Variants in ATP11B observed in about 807,000 individuals in gnomAD.
ATP11B encodes the protein phospholipid-transporting ATPase IF.
A neutral mutation model predicts 157.8 loss-of-function variants in ATP11B; 81 were observed. The observed-to-expected ratio is 0.51, with a 90% CI of 0.43 to 0.62. The LOEUF is 0.62. ATP11B is among the 20% of genes least tolerant of loss of function. ATP11B has a pLI of 0.00. For synonymous variants in ATP11B, 451 were observed against 469.4 expected, an observed-to-expected ratio of 0.96 and a Z score of 0.51; for missense variants, 1,165 against 1,402.2, an observed-to-expected ratio of 0.83 and a Z score of 2.70.
At chr3:182,797,575 A>G (rs1453487691) in intron 1 of ATP11B, among the ~76,000 whole-genome samples, 1 of 152,022 alleles carries the variant, frequency 6.6e-6, no homozygotes. Context: ...TGGCGTGGTG[A>G]TGGGCACCTG....
In ATP11B at chr3:182,793,701, T is replaced by G; in HGVS notation, c.-59T>G. On this transcript the variant is annotated 5_prime_UTR_variant, in exon 1 of 30. Transcript: ENST00000323116. The stretch of plus-strand genomic sequence containing the variant: ...CGCTCCCGCCTCTGTCTTGTCGGCC[T>G]CCACCTGCAGCCCCGCGGCCCCCGC... 1 of 1,274,438 alleles carries G rather than the reference T, an allele frequency of 7.8e-7. No individual in the cohort carries two copies. Among genetic ancestry groups the G allele is most frequent in the Non-Finnish European group, 1.0e-6 (1 of 956,622 alleles). The allele number at this position is 1,274,438 out of a possible 1,614,324, so 78.9% of individuals were successfully genotyped here. A position where few individuals can be genotyped will look rare whatever the true frequency, so the allele number is the denominator to read the frequency against.
intron 7 of ATP11B, among the ~76,000 whole-genome samples, chr3:182,840,249 G>T (rs540934500): frequency 2.0e-5 from 3 of 152,124 alleles, no homozygotes; most frequent in East Asian, 3.9e-4. Flanking sequence ...CCCCTCTCTT[G>T]GTTTACCTCC....
chr3:182,897,047 C>CA (rs1723598369), intron 26 of ATP11B, among the ~76,000 whole-genome samples: 1 of 151,994 alleles, frequency 6.6e-6, no homozygotes, highest in African/African-American at 2.4e-5. Context: ...TGTTTTAGGC[C>CA]ATGGAGTTGA....
intron 21 of ATP11B, among the ~76,000 whole-genome samples, chr3:182,881,413 A>G (rs595088): frequency 0.86 from 90,571 of 105,092 alleles, 40,367 homozygotes; most frequent in African/African-American, 0.92. Flanking sequence ...GCTTGAACCC[A>G]GGAGGCAGAG....
chr3:182,896,191 G>A lies in ATP11B; in HGVS notation c.2983-509G>A, dbSNP rs73177352. Among the ~76,000 whole-genome samples, 1,439 of 152,268 alleles carry A rather than the reference G, an allele frequency of 9.5e-3. 13 individuals are homozygous for A. The highest frequency in any genetic ancestry group is 0.015 in the Non-Finnish European group (1,054 of 68,024). ...CTGGCAATAACTGCATTTTTACATG[G>A]AATCCTTTGAGGAGTAATTCCATGA... On this transcript the variant is annotated intron_variant, in intron 25 of 29. Coordinates refer to ENST00000323116, the MANE Select transcript of ATP11B (RefSeq NM_014616.3).
At chr3:182,906,683 T>G (rs1238292393) in intron 28 of ATP11B, among the ~76,000 whole-genome samples, 2 of 151,850 alleles carry the variant, frequency 1.3e-5, no homozygotes, top group Admixed American at 1.3e-4. Flanking sequence ...ACTCCTGGGC[T>G]CAAGCGATCT....
intron 8 of ATP11B, chr3:182,844,682 G>T (rs748330577): frequency 9.5e-5 from 30 of 315,194 alleles, no homozygotes; most frequent in Non-Finnish European, 4.1e-5. Flanking sequence ...GTATAATTGT[G>T]CAGAATTCAT....
chr3:182,818,924 A>G (rs536617875), intron 1 of ATP11B, among the ~76,000 whole-genome samples: 9 of 151,096 alleles, frequency 6.0e-5, no homozygotes, highest in Admixed American at 1.3e-4. Context: ...TGTAAAAAAA[A>G]AAAAAAAGAA....
chr3:182,898,751 T>C lies in ATP11B; in HGVS notation c.3297T>C (p.Pro1099=). The C allele has an allele frequency of 6.4e-7, 1 of 1,559,284 alleles. No individual in the cohort carries two copies. Among genetic ancestry groups the C allele is most frequent in the Non-Finnish European group, 8.7e-7 (1 of 1,154,692 alleles). ...AGGTCTTTGACCGACACCTCCACCC[T>C]ACAAGTACTGAAAAGGCACAGGTAA... ...IKKVFDRHLH[P]TSTEKAQLTE... is the part of the protein sequence containing the mutation. Residue 1099 remains proline (P), a synonymous_variant, in exon 28 of 30, where the codon CCT becomes CCC. Coordinates refer to ENST00000323116, the MANE Select transcript of ATP11B (RefSeq NM_014616.3).
intron 7 of ATP11B, among the ~76,000 whole-genome samples, chr3:182,837,993 A>T (rs1170590897): frequency 6.6e-6 from 1 of 152,052 alleles, no homozygotes; most frequent in Non-Finnish European, 1.5e-5. Context: ...AATTACAGCA[A>T]ATTTGTAGAA....
At chr3:182,900,846 G>T (rs1723906480) in intron 28 of ATP11B, among the ~76,000 whole-genome samples, 2 of 151,838 alleles carry the variant, frequency 1.3e-5, no homozygotes, top group Non-Finnish European at 2.9e-5. Flanking sequence ...AGGAATTGGA[G>T]ACCAGCCTGG....
At position 182,911,879 on chromosome 3, in the gene ATP11B, C is replaced by T. The variant is rs569818978; in HGVS notation, c.3319-1982C>T. 5.3e-5 allele frequency among the ~76,000 whole-genome samples: 8 copies of T among 152,186 alleles called. No homozygotes were observed. The South Asian group carries it at 6.2e-4, about 12-fold the overall frequency. On this transcript the variant is annotated intron_variant, in intron 28 of 29. Transcript: ENST00000323116. ...GAGAGGTGAGGGAAGTTAATGGAGA[C>T]GGTAGGATTTAAGCTGAACGCTGAT...
intron 28 of ATP11B, among the ~76,000 whole-genome samples, chr3:182,900,575 T>A (rs1723884651): frequency 6.6e-6 from 1 of 152,002 alleles, no homozygotes; most frequent in Non-Finnish European, 1.5e-5. Context: ...TCAGAAAGTT[T>A]GCCTATCTTA....
intron 28 of ATP11B, among the ~76,000 whole-genome samples, chr3:182,899,150 ATTTT>A (rs34492261): frequency 7.8e-6 from 1 of 128,320 alleles, no homozygotes; most frequent in Non-Finnish European, 1.6e-5. Flanking sequence ...AATTTGAGTA[ATTTT>A]TTTTTTTTTT....
intron 1 of ATP11B, among the ~76,000 whole-genome samples, chr3:182,809,398 T>G (rs1576953549): frequency 6.6e-6 from 1 of 152,034 alleles, no homozygotes; most frequent in Non-Finnish European, 1.5e-5. Context: ...ACAGGCATGC[T>G]CCACCACGCC....
At chr3:182,827,523 A>T (rs6780927) in intron 2 of ATP11B, among the ~76,000 whole-genome samples, 122 of 151,932 alleles carry the variant, frequency 8.0e-4, no homozygotes, top group African/African-American at 2.8e-3. Flanking sequence ...GCTTTTAACC[A>T]TTGTGCTATA....
At chr3:182,900,861 C>T (rs1034329080) in intron 28 of ATP11B, among the ~76,000 whole-genome samples, 1 of 151,646 alleles carries the variant, frequency 6.6e-6, no homozygotes, top group African/African-American at 2.4e-5. Flanking sequence ...GCCTGGCCAA[C>T]ATGGTGAAAG....
chr3:182,793,776 G>T lies in ATP11B; in HGVS notation c.17G>T (p.Arg6Leu). 3.6e-6 allele frequency: 5 copies of T among 1,402,700 alleles called. No individual in the cohort carries two copies. The highest frequency in any genetic ancestry group is 3.7e-6 in the Non-Finnish European group (4 of 1,072,278). 86.9% of individuals were successfully genotyped at this position (1,402,700 alleles called of 1,614,324 possible). The change falls in exon 1 of 30, where the codon CGG becomes CTG. Residue 6 changes from arginine to leucine, a missense_variant. Around this residue, in one of 4 missense-constraint regions of ATP11B, gnomAD observed 91 missense variants for 95.8 expected, o/e 0.95. Transcript: ENST00000323116. Reference protein sequence around the residue: MWRWIRQQLGFDPPHQ... With the variant: MWRWILQQLGFDPPHQ... ...GACGGGGGAATGTGGCGCTGGATCC[G>T]GCAGCAGCTGGTAGGTGCCCCCGCC...
At chr3:182,802,102 C>T (rs1256130243) in intron 1 of ATP11B, among the ~76,000 whole-genome samples, 1 of 152,200 alleles carries the variant, frequency 6.6e-6, no homozygotes, top group Non-Finnish European at 1.5e-5. Context: ...TTACTTATAA[C>T]ATGAATACAT....
Sources: allele counts gnomAD v4.1 joint callset (sites outside exome capture counted in the v4.1 genomes callset), GRCh38; gene constraint gnomAD v4.1.1; regional missense constraint gnomAD v4.1.1; transcripts MANE v1.5; gene names NCBI Gene and HGNC (gene_info 2026-07-23, HGNC 2026-07-21).